The following RIMS2 variants were observed in gnomAD, a reference collection of about 807,000 sequenced individuals.
RIMS2 encodes regulating synaptic membrane exocytosis protein 2.
A neutral mutation model predicts 174.4 loss-of-function variants in RIMS2; 59 were observed. The ratio of observed to expected loss-of-function variants is 0.34; its 90% confidence interval spans 0.27 to 0.42. The LOEUF (loss-of-function observed/expected upper bound fraction) is 0.42, where lower values mean the gene tolerates loss of function less well. Among genes scored for constraint, RIMS2 ranks in the 10% least tolerant of loss-of-function variants. The pLI, the probability that RIMS2 is intolerant of heterozygous loss-of-function variation, is 1.00. For synonymous variants in RIMS2, 606 were observed against 572.5 expected (o/e 1.06, Z -0.84); for missense variants, 1,620 against 1,666.3 (o/e 0.97, Z 0.48).
intron 1 of RIMS2, among the ~76,000 whole-genome samples, chr8:103,509,435 CA>C (rs1825387819): frequency 6.6e-6 from 1 of 152,002 alleles, no homozygotes; most frequent in African/African-American, 2.4e-5. Flanking sequence ...TTAGGCTTAG[CA>C]AGGACAAATT....
At chr8:103,608,176 T>C (rs1394345912) in intron 1 of RIMS2, among the ~76,000 whole-genome samples, 6 of 144,876 alleles carry the variant, frequency 4.1e-5, no homozygotes, top group African/African-American at 1.6e-4. Flanking sequence ...GATGGGTTTT[T>C]GGTGTGGATG....
At chr8:103,834,676 T>TTTTTCTTTCTTTC (rs1554867206) in intron 3 of RIMS2, among the ~76,000 whole-genome samples, 1 of 120,012 alleles carries the variant, frequency 8.3e-6, no homozygotes, top group African/African-American at 3.2e-5. Context: ...TCTGAGGTCT[T>TTTTTCTTTCTTTC]TTTCTTTCTT....
Position 103,597,392 on chromosome 8 carries a change from T to C in RIMS2, c.176+96330T>C, listed in dbSNP as rs906356057. On this transcript the variant is annotated intron_variant, in intron 1 of 23. Coordinates refer to ENST00000504942, the Ensembl canonical transcript of RIMS2. Reference sequence around the variant, plus strand: ...TATTTTCTGTTGGCCTTGTTTCCTCTTGTGTCCCTGTTTATGCATACCCTT... The same window carrying C: ...TATTTTCTGTTGGCCTTGTTTCCTCCTGTGTCCCTGTTTATGCATACCCTT... Among the ~76,000 whole-genome samples, 8 of 152,172 alleles carry C rather than the reference T, an allele frequency of 5.3e-5. No individual in the cohort carries two copies. The South Asian group carries it at 8.3e-4, about 16-fold the overall frequency.
intron 19 of RIMS2, 149 bp downstream of exon 21, chr8:104,014,764 A>T (rs1194593540): frequency 2.4e-6 from 1 of 422,386 alleles, no homozygotes; most frequent in Non-Finnish European, 4.2e-6. Context: ...TATAAATATT[A>T]TGTATTTTTG....
chr8:103,542,830 A>G (rs1458549669), intron 1 of RIMS2, among the ~76,000 whole-genome samples: 1 of 152,202 alleles, frequency 6.6e-6, no homozygotes, highest in Non-Finnish European at 1.5e-5. Context: ...TCCATTCATG[A>G]TAAATAAACT....
At chr8:103,551,932 C>G (rs1009211003) in intron 1 of RIMS2, among the ~76,000 whole-genome samples, 9 of 152,174 alleles carry the variant, frequency 5.9e-5, no homozygotes, top group Non-Finnish European at 1.0e-4. Context: ...CTACAAACCA[C>G]TGCTCAACGA....
chr8:103,746,199 A>G (rs1483780311), intron 2 of RIMS2, among the ~76,000 whole-genome samples: 4 of 152,200 alleles, frequency 2.6e-5, no homozygotes, highest in Non-Finnish European at 5.9e-5. Flanking sequence ...ATTTATTGAA[A>G]AGACTATTCC....
Position 103,656,413 on chromosome 8 carries a change from A to G in RIMS2, c.177-40673A>G, listed in dbSNP as rs1238344837. ...GAAAAATGCATAAAATAACCTAGAG[A>G]GAGAGTGTGTGATAAAGAGCAGACA... On this transcript the variant is annotated intron_variant, in intron 1 of 23. Transcript: ENST00000504942. 3.3e-5 allele frequency among the ~76,000 whole-genome samples: 5 copies of G among 152,226 alleles called. No individual in the cohort carries two copies. In the East Asian group the frequency reaches 7.7e-4, roughly 24 times the overall value.
intron 2 of RIMS2, among the ~76,000 whole-genome samples, chr8:103,742,836 G>A (rs1191182426): frequency 6.6e-6 from 1 of 152,110 alleles, no homozygotes; most frequent in Non-Finnish European, 1.5e-5. Flanking sequence ...ATAATTAGGA[G>A]TCACTTTCCC....
rs538352939 is a variant in RIMS2 at position 103,691,807 on chromosome 8, G to C, written c.177-5279G>C. On this transcript the variant is annotated intron_variant, in intron 1 of 23. Coordinates refer to ENST00000504942, the Ensembl canonical transcript of RIMS2. Reference sequence around the variant, plus strand: ...ATTTATTGTAGTCTTCACAGTCTGGGGTTGTTTGTACCCATCCTTCTTGGT... The same window carrying C: ...ATTTATTGTAGTCTTCACAGTCTGGCGTTGTTTGTACCCATCCTTCTTGGT... Among the ~76,000 whole-genome samples the C allele has an allele frequency of 2.3e-3, 355 of 152,172 alleles. 2 individuals are homozygous for C. The highest frequency in any genetic ancestry group is 8.2e-3 in the African/African-American group (341 of 41,502).
intron 19 of RIMS2, among the ~76,000 whole-genome samples, chr8:104,154,542 T>C (rs2098709747): frequency 6.6e-6 from 1 of 152,208 alleles, no homozygotes; most frequent in Non-Finnish European, 1.5e-5. Context: ...CTGGGATTTT[T>C]TAAAACAAAT....
chr8:103,954,597 A>C (rs1406867037), intron 14 of RIMS2, among the ~76,000 whole-genome samples: 2 of 152,230 alleles, frequency 1.3e-5, no homozygotes, highest in African/African-American at 4.8e-5. Context: ...AGACACATTT[A>C]AAGCAGTGTG....
intron 14 of RIMS2, 24 bp downstream of exon 16, chr8:103,942,950 A>G: frequency 6.3e-7 from 1 of 1,577,376 alleles, no homozygotes; most frequent in Non-Finnish European, 8.7e-7. Flanking sequence ...AAATTCTTTC[A>G]TATTTTTATT....
At chr8:103,639,921 A>C (rs1478869585) in intron 1 of RIMS2, among the ~76,000 whole-genome samples, 1 of 151,976 alleles carries the variant, frequency 6.6e-6, no homozygotes, top group Non-Finnish European at 1.5e-5. Flanking sequence ...CTATAGATCA[A>C]ATCATAAGAA....
intron 1 of RIMS2, among the ~76,000 whole-genome samples, chr8:103,578,722 A>G (rs1165919063): frequency 6.6e-6 from 1 of 151,946 alleles, no homozygotes; most frequent in Non-Finnish European, 1.5e-5. Flanking sequence ...GGCTGAGCAC[A>G]GTGGCTCACA....
chr8:103,589,466 G>A (rs1453822820), intron 1 of RIMS2, among the ~76,000 whole-genome samples: 2 of 151,572 alleles, frequency 1.3e-5, no homozygotes, highest in African/African-American at 4.8e-5. Flanking sequence ...GGGAACCCTT[G>A]TACACTGTTG....
intron 19 of RIMS2, among the ~76,000 whole-genome samples, chr8:104,182,071 A>G (rs2098943367): frequency 6.6e-6 from 1 of 151,882 alleles, no homozygotes. Flanking sequence ...GGAATGTCAT[A>G]TTTGAAAGTT....
chr8:104,027,045 A>G (rs1163853516), intron 19 of RIMS2, among the ~76,000 whole-genome samples: 1 of 152,198 alleles, frequency 6.6e-6, no homozygotes, highest in African/African-American at 2.4e-5. Flanking sequence ...GATTTATCAT[A>G]TGTTTTTGAG....
chr8:104,145,530 T>C, intron 19 of RIMS2, among the ~76,000 whole-genome samples: 1 of 151,790 alleles, frequency 6.6e-6, no homozygotes, highest in East Asian at 1.9e-4. Context: ...ACTTTAAAAA[T>C]TTTGGTAGCT....
Sources: allele counts gnomAD v4.1 joint callset (sites outside exome capture counted in the v4.1 genomes callset), GRCh38; gene constraint gnomAD v4.1.1; transcripts MANE v1.5; gene names NCBI Gene and HGNC (gene_info 2026-07-23, HGNC 2026-07-21).